The following MYO5A variants were observed in gnomAD, a reference collection of about 807,000 sequenced individuals.
MYO5A encodes the protein unconventional myosin-Va.
A neutral mutation model predicts 249.7 loss-of-function variants in MYO5A; 98 were observed. That is an observed-to-expected ratio of 0.39 (90% confidence interval 0.33 to 0.46). The LOEUF (loss-of-function observed/expected upper bound fraction) is 0.46, where lower values mean the gene tolerates loss of function less well. Ranked by LOEUF, MYO5A falls within the 20% of genes least tolerant of loss-of-function variation. The pLI is 0.98. For missense variants in MYO5A, 1,696 were observed against 2,308.8 expected, an observed-to-expected ratio of 0.73 and a Z score of 5.44; for synonymous variants, 778 against 810.6, an observed-to-expected ratio of 0.96 and a Z score of 0.68.
intron 34 of MYO5A, among the ~76,000 whole-genome samples, chr15:52,332,501 T>TATAATATCC (rs1458169359): frequency 6.6e-6 from 1 of 152,174 alleles, no homozygotes; most frequent in East Asian, 1.9e-4. Context: ...CAGGATATTT[T>TATAATATCC]TGGTACTGTA....
rs2041829452 is a variant in MYO5A at position 52,383,149 on chromosome 15, C to T, written c.1954G>A (p.Ala652Thr). 1 of 1,614,030 alleles carries T rather than the reference C, an allele frequency of 6.2e-7. No homozygotes were observed. The highest frequency in any genetic ancestry group is 1.3e-5 in the African/African-American group (1 of 74,996). The change falls in exon 16 of 42, where the codon GCC becomes ACC. Residue 652 changes from alanine (A) to threonine (T), a missense_variant. Physicochemically the swap from Ala to Thr is moderately conservative, Grantham distance 58 (BLOSUM62 0). Transcript: ENST00000399233. ...CAGCGCACATAGTGAGGGGTAGTGG[C>T]ATTGAGTGTCTCCATAAGCAGGTGC... is the stretch of plus-strand genomic sequence containing the variant. ...SLHLLMETLN[A>T]TTPHYVRCIK... is the part of the protein sequence containing the mutation.
chr15:52,362,208 G>A (rs2040566084), intron 24 of MYO5A, among the ~76,000 whole-genome samples: 2 of 152,332 alleles, frequency 1.3e-5, no homozygotes, highest in East Asian at 3.9e-4. Context: ...GTATCACATA[G>A]GTTATGGGAA....
chr15:52,524,731 CT>C (rs1265848265), intron 1 of MYO5A, among the ~76,000 whole-genome samples: 2 of 151,710 alleles, frequency 1.3e-5, no homozygotes, highest in African/African-American at 4.8e-5. Context: ...TAAAAATTAG[CT>C]GGGTGCATAG....
intron 1 of MYO5A, among the ~76,000 whole-genome samples, chr15:52,474,285 G>T (rs1040326193): frequency 6.6e-6 from 1 of 152,156 alleles, no homozygotes; most frequent in African/African-American, 2.4e-5. Context: ...AAGGAGATTT[G>T]GGGCTGAGAC....
chr15:52,467,662 G>A (rs1018050508), intron 1 of MYO5A, among the ~76,000 whole-genome samples: 1 of 152,052 alleles, frequency 6.6e-6, no homozygotes, highest in Non-Finnish European at 1.5e-5. Flanking sequence ...CCAGCTACAG[G>A]AGGCCCAGCA....
chr15:52,480,759 T>TA (rs1407397351), intron 1 of MYO5A, among the ~76,000 whole-genome samples: 5 of 152,202 alleles, frequency 3.3e-5, no homozygotes, highest in African/African-American at 4.8e-5. Flanking sequence ...AATTCTTCCT[T>TA]AGCATTATCT....
intron 4 of MYO5A, 103 bp from the exon 5 acceptor site, chr15:52,416,404 A>AT (rs1457036902): frequency 1.5e-6 from 2 of 1,308,896 alleles, no homozygotes; most frequent in Non-Finnish European, 1.1e-6. Context: ...TAATTAATGG[A>AT]TTTTTTGGTC....
chr15:52,359,036 T>C (rs1054943230), intron 25 of MYO5A, among the ~76,000 whole-genome samples: 1 of 152,224 alleles, frequency 6.6e-6, no homozygotes, highest in Admixed American at 6.5e-5. Context: ...GGATCTACCA[T>C]TTATAAGCTG....
intron 29 of MYO5A, 91 bp from the exon 30 acceptor site, chr15:52,346,552 G>T: frequency 1.2e-6 from 1 of 801,038 alleles, no homozygotes; most frequent in Non-Finnish European, 2.1e-6. Flanking sequence ...GGGGGGCAGT[G>T]GTTATGTGCT....
chr15:52,386,882 G>T (rs780745453), intron 14 of MYO5A, among the ~76,000 whole-genome samples: 3 of 152,036 alleles, frequency 2.0e-5, no homozygotes, highest in Non-Finnish European at 4.4e-5. Flanking sequence ...ACTGGGATTT[G>T]GTCTTCATGT....
At chr15:52,324,713 T>A (rs975011264) in intron 36 of MYO5A, among the ~76,000 whole-genome samples, 1 of 152,164 alleles carries the variant, frequency 6.6e-6, no homozygotes, top group African/African-American at 2.4e-5. Flanking sequence ...GGATATATCA[T>A]GGGGAAAGAT....
Position 52,397,180 on chromosome 15 carries a change from CA to C in MYO5A, c.1319+20del. 1 of 1,612,900 alleles carries C rather than the reference CA, an allele frequency of 6.2e-7. No homozygotes were observed. Among genetic ancestry groups the C allele is most frequent in the Non-Finnish European group, 8.5e-7 (1 of 1,179,758 alleles). On this transcript the variant is annotated intron_variant, in intron 10 of 41. Coordinates refer to ENST00000399233, the MANE Select transcript of MYO5A (RefSeq NM_001382347.1). The stretch of plus-strand genomic sequence containing the variant: ...TAGAAAGAAATGTTCTCTGGCAGAC[CA>C]ATTAGCCAAATATACTCACCCGTAA...
At chr15:52,346,976 A>G (rs1047378429) in intron 29 of MYO5A, among the ~76,000 whole-genome samples, 2 of 151,956 alleles carry the variant, frequency 1.3e-5, no homozygotes, top group Non-Finnish European at 2.9e-5. Flanking sequence ...GGTAGTATTC[A>G]GATTATATGC....
chr15:52,322,189 C>T (rs2038362110), intron 37 of MYO5A, among the ~76,000 whole-genome samples: 1 of 152,242 alleles, frequency 6.6e-6, no homozygotes, highest in African/African-American at 2.4e-5. Context: ...CAAGCATCTG[C>T]CTCCTTACCA....
chr15:52,515,097 G>T (rs2077469861), intron 1 of MYO5A, among the ~76,000 whole-genome samples: 1 of 152,082 alleles, frequency 6.6e-6, no homozygotes, highest in Non-Finnish European at 1.5e-5. Flanking sequence ...GGACAACACA[G>T]TGAGACCCTG....
chr15:52,336,570 A>T lies in MYO5A; in HGVS notation c.4315-14T>A. ...TTCCATCAAATCCTAAAGATCAAAA[A>T]GAGAAATATATTAGAAAAATCGAAA... On this transcript the variant is annotated splice_polypyrimidine_tract_variant and intron_variant, in intron 33 of 41. Coordinates refer to ENST00000399233, the MANE Select transcript of MYO5A (RefSeq NM_001382347.1). 1 of 1,568,266 alleles carries T rather than the reference A, an allele frequency of 6.4e-7. No homozygotes were observed. Among genetic ancestry groups the T allele is most frequent in the African/African-American group, 1.3e-5 (1 of 74,152 alleles).
chr15:52,340,178 C>T lies in MYO5A; in HGVS notation c.4239+18G>A, dbSNP rs773558433. 1.9e-6 allele frequency: 3 copies of T among 1,613,912 alleles called. No individual in the cohort carries two copies. The highest frequency in any genetic ancestry group is 2.2e-5 in the East Asian group (1 of 44,880). On this transcript the variant is annotated intron_variant, in intron 32 of 41. Transcript: ENST00000399233. ...CAGGCTAGGTTAAGAAGCATGTGGA[C>T]CCGGCAGCTCTCCTTACCAAGTTTT... is the stretch of plus-strand genomic sequence containing the variant.
chr15:52,442,588 T>C (rs2141342476), intron 1 of MYO5A, among the ~76,000 whole-genome samples: 1 of 152,238 alleles, frequency 6.6e-6, no homozygotes, highest in South Asian at 2.1e-4. Flanking sequence ...GTATTTTACA[T>C]GTATAATTTC....
chr15:52,314,283 G>T, intron 40 of MYO5A, 80 bp from the exon 41 acceptor site: 2 of 1,046,904 alleles, frequency 1.9e-6, no homozygotes, highest in Non-Finnish European at 3.0e-6. Flanking sequence ...AAATTAAAAG[G>T]ATCTGTGCGT....
Sources: gnomAD v4.1 joint callset for allele counts (sites outside exome capture counted in the v4.1 genomes callset) on GRCh38, gnomAD v4.1.1 for gene constraint, MANE v1.5 for transcripts, NCBI Gene and HGNC (gene_info 2026-07-23, HGNC 2026-07-21) for gene names.